The following DEPDC5 variants were observed in gnomAD, a reference collection of about 807,000 sequenced individuals.
The protein encoded by DEPDC5 is DEP domain containing 5, GATOR1 subcomplex subunit, also known as GATOR1 complex protein DEPDC5.
DEPDC5 carries 73 observed loss-of-function variants against 217.3 expected under a neutral mutation model. That is an observed-to-expected ratio of 0.34 (90% CI 0.28 to 0.41). The LOEUF (loss-of-function observed/expected upper bound fraction) is 0.41, where lower values mean the gene tolerates loss of function less well. DEPDC5 is among the 10% of genes least tolerant of loss of function. DEPDC5 has a pLI of 1.00. For synonymous variants in DEPDC5, 733 were observed against 756.7 expected, an observed-to-expected ratio of 0.97 and a Z score of 0.51; for missense variants, 1,675 against 2,070.1, an observed-to-expected ratio of 0.81 and a Z score of 3.70.
intron 27 of DEPDC5, among the ~76,000 whole-genome samples, chr22:31,841,753 G>C (rs2091407374): frequency 6.6e-6 from 1 of 152,224 alleles, no homozygotes; most frequent in African/African-American, 2.4e-5. Flanking sequence ...AAAAAGCGGA[G>C]AGTGGTTTGT....
At chr22:31,869,687 C>T (rs2092787794) in intron 33 of DEPDC5, among the ~76,000 whole-genome samples, 1 of 151,854 alleles carries the variant, frequency 6.6e-6, no homozygotes, top group African/African-American at 2.4e-5. Flanking sequence ...TTTGGCTGGA[C>T]ACATACACAT....
intron 10 of DEPDC5, among the ~76,000 whole-genome samples, chr22:31,791,627 CAAA>C (rs142053932): frequency 1.1e-4 from 7 of 62,076 alleles, no homozygotes; most frequent in Non-Finnish European, 1.6e-4. Flanking sequence ...GAGACTGCCT[CAAA>C]AAAAAAAAAA....
intron 38 of DEPDC5, among the ~76,000 whole-genome samples, chr22:31,886,798 T>C (rs562833056): frequency 6.9e-6 from 1 of 144,242 alleles, no homozygotes; most frequent in Non-Finnish European, 1.5e-5. Context: ...AGGCCAGGCA[T>C]GGTGGTTCAC....
In DEPDC5 at chr22:31,815,136, C is replaced by G; in HGVS notation, c.1590C>G (p.Ala530=). The change falls in exon 21 of 43, where the codon GCC becomes GCG. Residue 530 remains alanine, a synonymous_variant. Coordinates refer to ENST00000651528, the MANE Select transcript of DEPDC5 (RefSeq NM_001242896.3). ...ASDDSSLGKS[A]NILMIPHPHL... Reference sequence around the variant, plus strand: ...ACGACAGCTCCCTAGGCAAGAGTGCCAACATCCTGATGATCCCACACCCCC... The same window carrying G: ...ACGACAGCTCCCTAGGCAAGAGTGCGAACATCCTGATGATCCCACACCCCC... The G allele has an allele frequency of 6.2e-7, 1 of 1,614,154 alleles. No individual in the cohort carries two copies. The highest frequency in any genetic ancestry group is 8.5e-7 in the Non-Finnish European group (1 of 1,180,018).
At chr22:31,834,900 T>A (rs1325761003) in intron 25 of DEPDC5, among the ~76,000 whole-genome samples, 1 of 152,254 alleles carries the variant, frequency 6.6e-6, no homozygotes, top group African/African-American at 2.4e-5. Context: ...ATGGCAACAT[T>A]AAGCATATTA....
Position 31,879,856 on chromosome 22 carries a change from C to T in DEPDC5, c.4033+104C>T, listed in dbSNP as rs377594149. 93 of 1,126,310 alleles carry T rather than the reference C, an allele frequency of 8.3e-5. 2 individuals carry two copies. In the South Asian group the frequency reaches 1.0e-3, roughly 12 times the overall value. The allele number at this position is 1,126,310 out of a possible 1,614,324, so 69.8% of individuals were successfully genotyped here. ...ATGCCACATGAACCAGGATTAGAGTCGCTGAGGCCGTCACACAGGCCACTG... is the reference window on the plus strand; with the variant it reads ...ATGCCACATGAACCAGGATTAGAGTTGCTGAGGCCGTCACACAGGCCACTG... On this transcript the variant is annotated intron_variant, in intron 38 of 42. Transcript: ENST00000651528.
intron 40 of DEPDC5, among the ~76,000 whole-genome samples, chr22:31,898,252 A>G (rs1223181009): frequency 6.6e-6 from 1 of 152,104 alleles, no homozygotes. Flanking sequence ...TCAATCAGAA[A>G]GAGAGTACCC....
At chr22:31,808,843 G>A (rs1265288684) in intron 18 of DEPDC5, among the ~76,000 whole-genome samples, 2 of 152,182 alleles carry the variant, frequency 1.3e-5, no homozygotes, top group Non-Finnish European at 2.9e-5. Flanking sequence ...GGGATTACAG[G>A]CATGAGCCTT....
chr22:31,807,909 G>A (rs12159673), intron 18 of DEPDC5, among the ~76,000 whole-genome samples: 3 of 151,862 alleles, frequency 2.0e-5, no homozygotes, highest in Non-Finnish European at 4.4e-5. Flanking sequence ...CTTTTTTTAG[G>A]GGGGAGGGCT....
intron 3 of DEPDC5, among the ~76,000 whole-genome samples, chr22:31,759,089 C>T (rs748473688): frequency 6.6e-5 from 10 of 151,758 alleles, no homozygotes; most frequent in Non-Finnish European, 1.2e-4. Context: ...TGCGCCATCA[C>T]GCCCAGCTAA....
rs5998171 is a variant in DEPDC5, at chr22:31,907,504, C to T, written c.*1007C>T. ...CTGGGTTCAAGCGATTCTCCTGTCT[C>T]GGCCTCCCGAGTAGCTGGGATTACA... On this transcript the variant is annotated 3_prime_UTR_variant, in exon 43 of 43. Transcript: ENST00000651528. 17,152 of 152,026 alleles carry T rather than the reference C, an allele frequency of 0.11. 1,168 individuals are homozygous for T. The highest frequency in any genetic ancestry group is 0.17 in the African/African-American group (6,982 of 41,424). The allele number at this position is 152,026 out of a possible 1,614,324, so 9.4% of individuals were successfully genotyped here. A position where few individuals can be genotyped will look rare whatever the true frequency, so the allele number is the denominator to read the frequency against.
chr22:31,829,457 G>A (rs187950994), intron 24 of DEPDC5, among the ~76,000 whole-genome samples: 118 of 152,144 alleles, frequency 7.8e-4, no homozygotes, highest in African/African-American at 2.6e-3. Context: ...GCTTGAACCC[G>A]GGAGGTGGAG....
intron 12 of DEPDC5, among the ~76,000 whole-genome samples, chr22:31,796,804 C>T: frequency 6.6e-6 from 1 of 151,278 alleles, no homozygotes; most frequent in Non-Finnish European, 1.5e-5. Flanking sequence ...TCAAGCAATT[C>T]TCCTGCCTCA....
intron 24 of DEPDC5, 184 bp downstream of exon 24, chr22:31,822,974 T>A: frequency 1.7e-6 from 1 of 578,694 alleles, no homozygotes; most frequent in South Asian, 2.0e-5. Context: ...CACGTTAACA[T>A]TTTTAGCTCA....
chr22:31,843,021 T>C (rs1482140438), intron 27 of DEPDC5, 74 bp from the exon 28 acceptor site: 1 of 1,113,536 alleles, frequency 9.0e-7, no homozygotes, highest in Admixed American at 2.1e-5. Flanking sequence ...TCTGAATCTA[T>C]ATGGATGAGA....
At chr22:31,824,343 C>T (rs759008398) in intron 24 of DEPDC5, among the ~76,000 whole-genome samples, 1 of 148,892 alleles carries the variant, frequency 6.7e-6, no homozygotes, top group Non-Finnish European at 1.5e-5. Context: ...GAGACTTTGT[C>T]TCAAAAAGAA....
chr22:31,790,816 G>A (rs554322697), intron 10 of DEPDC5, among the ~76,000 whole-genome samples: 22 of 141,158 alleles, frequency 1.6e-4, no homozygotes, highest in East Asian at 4.2e-4. Flanking sequence ...GCACAGTCTT[G>A]GCTCACTGCA....
chr22:31,817,311 T>A, intron 21 of DEPDC5: 1 of 211,892 alleles, frequency 4.7e-6, no homozygotes, highest in South Asian at 6.6e-5. Flanking sequence ...GGTTTCACCA[T>A]GTTGGTCAGG....
At chr22:31,792,605 CAAAAAAAAAAAAAAA>C (rs61603320) in intron 11 of DEPDC5, 125 bp from the exon 12 acceptor site, 1 of 152,162 alleles carries the variant, frequency 6.6e-6, no homozygotes, top group Non-Finnish European at 1.1e-5. Flanking sequence ...GACCTTGTCT[CAAAAAAAAAAAAAAA>C]AAAAAAAAAA....
Sources: allele counts gnomAD v4.1 joint callset (sites outside exome capture counted in the v4.1 genomes callset), GRCh38; gene constraint gnomAD v4.1.1; transcripts MANE v1.5; gene names NCBI Gene and HGNC (gene_info 2026-07-23, HGNC 2026-07-21).